Variants in ZFC3H1 observed in about 807,000 individuals in gnomAD.
ZFC3H1 encodes the protein zinc finger C3H1-type containing, also known as zinc finger C3H1 domain-containing protein.
In ZFC3H1, 71 loss-of-function variants were observed where a neutral mutation model predicts 243.7. That is an observed-to-expected ratio of 0.29 (90% CI 0.24 to 0.36). ZFC3H1 has a LOEUF of 0.36. Ranked by LOEUF, ZFC3H1 falls within the 10% of genes least tolerant of loss-of-function variation. The pLI, the probability that ZFC3H1 is intolerant of heterozygous loss-of-function variation, is 1.00. For missense variants in ZFC3H1, 1,966 were observed against 2,317.1 expected (o/e 0.85, Z 3.11); for synonymous variants, 838 against 813.0 (o/e 1.03, Z -0.52).
At chr12:71,657,418 G>A (rs749223450) in intron 1 of ZFC3H1, 117 bp from the exon 2 acceptor site, 17 of 821,866 alleles carry the variant, frequency 2.1e-5, no homozygotes, top group African/African-American at 3.5e-5. Context: ...AAAATGAATC[G>A]ATATTTTTAA....
chr12:71,617,804 G>T (rs1011145700), intron 27 of ZFC3H1, among the ~76,000 whole-genome samples: 3 of 152,116 alleles, frequency 2.0e-5, no homozygotes, highest in African/African-American at 7.2e-5. Flanking sequence ...GTAATTATTT[G>T]TAAATATTAA....
In ZFC3H1 at chr12:71,663,258, C is replaced by T; in HGVS notation, c.353G>A (p.Arg118Gln). Residue 118 changes from arginine to glutamine, a missense_variant, in exon 1 of 35, where the codon CGG becomes CAG. By Grantham distance (43) the Arg-to-Gln change is conservative (BLOSUM62 1). Around this residue, in one of 4 missense-constraint regions of ZFC3H1, gnomAD observed 484 missense variants for 449.7 expected, o/e 1.08. Transcript: ENST00000378743. Reference protein sequence around the residue: ...EPFRSHPPSVRMPSSSLSESS... With the variant: ...EPFRSHPPSVQMPSSSLSESS... ...TTCGGACAGTGAGCTCGAAGGCATC[C>T]GTACAGAAGGCGGATGAGACCGGAA... 6.2e-7 allele frequency: 1 copy of T among 1,613,746 alleles called. No homozygotes were observed. Among genetic ancestry groups the T allele is most frequent in the Non-Finnish European group, 8.5e-7 (1 of 1,180,048 alleles).
chr12:71,637,878 C>T (rs17110057), intron 7 of ZFC3H1, among the ~76,000 whole-genome samples: 2,763 of 152,212 alleles, frequency 0.018, 70 homozygotes, highest in African/African-American at 0.062. Flanking sequence ...TGTGATTCCT[C>T]TACTTCCTTT....
chr12:71,629,241 C>CT (rs906447415), intron 19 of ZFC3H1, among the ~76,000 whole-genome samples: 2 of 151,458 alleles, frequency 1.3e-5, no homozygotes, highest in African/African-American at 2.4e-5. Context: ...TCTCAGCTCA[C>CT]TGCAACCTCC....
rs934759089 is a variant in ZFC3H1 at position 71,628,827 on chromosome 12, G to A, written c.3946+91C>T. On this transcript the variant is annotated intron_variant, in intron 20 of 34. Transcript: ENST00000378743. ...AAAAAAATTTTTTTTTAACCAGGCAGGCTGATACACCAAAGGATTAGCAAA... is the reference window on the plus strand; with the variant it reads ...AAAAAAATTTTTTTTTAACCAGGCAAGCTGATACACCAAAGGATTAGCAAA... The A allele has an allele frequency of 6.4e-6, 9 of 1,412,120 alleles. No homozygotes were observed. The African/African-American group carries it at 1.2e-4, about 18-fold the overall frequency. The allele number at this position is 1,412,120 out of a possible 1,614,324, so 87.5% of individuals were successfully genotyped here.
chr12:71,618,121 C>T (rs1281418907), intron 27 of ZFC3H1, among the ~76,000 whole-genome samples: 4 of 151,740 alleles, frequency 2.6e-5, no homozygotes, highest in African/African-American at 7.3e-5. Context: ...AAAAATTAGC[C>T]GGGCGTGGGG....
chr12:71,629,157 ATTTTTT>A, intron 19 of ZFC3H1, 120 bp from the exon 20 acceptor site: 2 of 642,636 alleles, frequency 3.1e-6, no homozygotes, highest in Non-Finnish European at 4.6e-6. Context: ...AATGATACGT[ATTTTTT>A]TTTTTTTTTT....
At chr12:71,625,852 A>T (rs1205557265) in intron 22 of ZFC3H1, among the ~76,000 whole-genome samples, 1 of 152,222 alleles carries the variant, frequency 6.6e-6, no homozygotes, top group Non-Finnish European at 1.5e-5. Flanking sequence ...AAAAGACAAA[A>T]ATGTTTCCTG....
intron 26 of ZFC3H1, 114 bp downstream of exon 26, chr12:71,619,812 A>G: frequency 1.1e-6 from 1 of 912,074 alleles, no homozygotes; most frequent in South Asian, 1.8e-5. Flanking sequence ...GAGAGAAGGA[A>G]CACCTAACAC....
In ZFC3H1 at chr12:71,619,838, A is replaced by G. The variant is rs1879980627; in HGVS notation, c.5049+88T>C. 11 of 1,251,036 alleles carry G rather than the reference A, an allele frequency of 8.8e-6. No homozygotes were observed. In the South Asian group the frequency reaches 1.6e-4, roughly 19 times the overall value. 77.5% of individuals were successfully genotyped at this position (1,251,036 alleles called of 1,614,324 possible). ...CACCTAACACTGCTTGCAAAGGGTAAAAGGACCAGGAAACACTTCCTGGTG... is the reference window on the plus strand; with the variant it reads ...CACCTAACACTGCTTGCAAAGGGTAGAAGGACCAGGAAACACTTCCTGGTG... On this transcript the variant is annotated intron_variant, in intron 26 of 34. Transcript: ENST00000378743.
intron 2 of ZFC3H1, 121 bp downstream of exon 2, chr12:71,656,764 G>A: frequency 9.7e-7 from 1 of 1,031,538 alleles, no homozygotes; most frequent in Non-Finnish European, 1.4e-6. Flanking sequence ...TGTCTACATA[G>A]AAAGTACAAA....
chr12:71,663,691 T>C lies in ZFC3H1; in HGVS notation c.-81A>G. On this transcript the variant is annotated 5_prime_UTR_variant, in exon 1 of 35. Transcript: ENST00000378743. The stretch of plus-strand genomic sequence containing the variant: ...CAATTGCCTCGTTTCCCTTCTTTCC[T>C]AACGGACTGGGTCGGTGCGGTCTTA... 1 of 1,500,986 alleles carries C rather than the reference T, an allele frequency of 6.7e-7. No individual in the cohort carries two copies. The highest frequency in any genetic ancestry group is 9.0e-7 in the Non-Finnish European group (1 of 1,109,824). The allele number at this position is 1,500,986 out of a possible 1,614,324, so 93.0% of individuals were successfully genotyped here.
intron 19 of ZFC3H1, 75 bp from the exon 20 acceptor site, chr12:71,629,112 A>G (rs912136380): frequency 3.2e-6 from 4 of 1,259,186 alleles, no homozygotes; most frequent in African/African-American, 1.5e-5. Flanking sequence ...TACTCAAATA[A>G]TATTTGAGAA....
At chr12:71,662,481 G>GT (rs111585909) in intron 1 of ZFC3H1, among the ~76,000 whole-genome samples, 9,732 of 140,024 alleles carry the variant, frequency 0.07, 393 homozygotes, top group South Asian at 0.091. Flanking sequence ...CACCAGAGTT[G>GT]TTTTTTTTTT....
Position 71,638,504 on chromosome 12 carries a change from C to A in ZFC3H1, c.1639G>T (p.Val547Leu). Residue 547 changes from valine (V) to leucine (L), a missense_variant, in exon 7 of 35, where the codon GTG becomes TTG. Transcript: ENST00000378743. Reference protein sequence around the residue: ...SETSSPAPSPVQPPFFSECSL... With the variant: ...SETSSPAPSPLQPPFFSECSL... Reference sequence around the variant, plus strand: ...CATTCAGAGAAAAATGGCGGTTGCACTGGTGAAGGAGCTGTAAAAAAATTT... The same window carrying A: ...CATTCAGAGAAAAATGGCGGTTGCAATGGTGAAGGAGCTGTAAAAAAATTT... 6.2e-7 allele frequency: 1 copy of A among 1,608,404 alleles called. No homozygotes were observed. Among genetic ancestry groups the A allele is most frequent in the Non-Finnish European group, 8.5e-7 (1 of 1,178,370 alleles).
chr12:71,657,295 CT>C lies in ZFC3H1; in HGVS notation c.604del (p.Ser202ValfsTer29). 1 of 1,531,920 alleles carries C rather than the reference CT, an allele frequency of 6.5e-7. No individual in the cohort carries two copies. 94.9% of individuals were successfully genotyped at this position (1,531,920 alleles called of 1,614,324 possible). On this transcript the variant is annotated frameshift_variant, in exon 2 of 35. Coordinates refer to ENST00000378743, the MANE Select transcript of ZFC3H1 (RefSeq NM_144982.5). LOFTEE classifies it high-confidence loss of function. ...TTTTCTTGATGGAGACCTTCCAAAACTTTTGGCTGAACAGCATATTAAGGAA... is the reference window on the plus strand; with the variant it reads ...TTTTCTTGATGGAGACCTTCCAAAACTTTGGCTGAACAGCATATTAAGGAA... Reference protein sequence around the residue: ...EPSPPRKSSKSFGRSPSRKQN... With the variant: ...EPSPPRKSSKXFGRSPSRKQN...
At position 71,649,105 on chromosome 12, in the gene ZFC3H1, AAAAAAG is replaced by A. The variant is rs1184584078; in HGVS notation, c.1016-1298_1016-1293del. Among the ~76,000 whole-genome samples, 54 of 151,782 alleles carry A rather than the reference AAAAAAG, an allele frequency of 3.6e-4. No individual in the cohort carries two copies. In the East Asian group the frequency reaches 5.2e-3, roughly 15 times the overall value. The stretch of plus-strand genomic sequence containing the variant: ...GACTCTTGTCTCAAAAAAAAAAAAA[AAAAAAG>A]AAAAGAAAAGAAAAGAATTTGAGCA... On this transcript the variant is annotated intron_variant, in intron 2 of 34. Coordinates refer to ENST00000378743, the MANE Select transcript of ZFC3H1 (RefSeq NM_144982.5).
intron 22 of ZFC3H1, among the ~76,000 whole-genome samples, chr12:71,625,616 G>A (rs1442692023): frequency 6.6e-6 from 1 of 152,150 alleles, no homozygotes; most frequent in Non-Finnish European, 1.5e-5. Flanking sequence ...CTTGGGTCCA[G>A]GAGGTAGAGG....
Position 71,635,479 on chromosome 12 carries a change from T to C in ZFC3H1, c.2202A>G (p.Leu734=), listed in dbSNP as rs538487403. Residue 734 remains leucine, a synonymous_variant, in exon 10 of 35, where the codon TTA becomes TTG. Transcript: ENST00000378743. ...SKSTNSVFGG[L]ESMIKEARRT... is the part of the protein sequence containing the mutation. Reference sequence around the variant, plus strand: ...GTCTTGCTTCTTTAATCATGGACTCTAATCCACCAAAAACACTATTTGTTG... The same window carrying C: ...GTCTTGCTTCTTTAATCATGGACTCCAATCCACCAAAAACACTATTTGTTG... 2.5e-6 allele frequency: 4 copies of C among 1,577,228 alleles called. No individual in the cohort carries two copies. The African/African-American group carries it at 5.5e-5, about 22-fold the overall frequency.
Sources: gnomAD v4.1 joint callset for allele counts (sites outside exome capture counted in the v4.1 genomes callset) on GRCh38, gnomAD v4.1.1 for gene constraint, gnomAD v4.1.1 regional missense constraint, MANE v1.5 for transcripts, NCBI Gene and HGNC (gene_info 2026-07-23, HGNC 2026-07-21) for gene names.